The following ASIC2 variants were observed in gnomAD, a reference collection of about 807,000 sequenced individuals.
ASIC2 encodes acid sensing ion channel subunit 2.
A neutral mutation model predicts 57.3 loss-of-function variants in ASIC2; 25 were observed. The ratio of observed to expected loss-of-function variants is 0.44; its 90% CI spans 0.32 to 0.61. The LOEUF (loss-of-function observed/expected upper bound fraction) is 0.61. Among genes scored for constraint, ASIC2 ranks in the 20% least tolerant of loss-of-function variants. The pLI is 0.06. For missense variants in ASIC2, 641 were observed against 738.1 expected (o/e 0.87, Z 1.52); for synonymous variants, 319 against 307.5 (o/e 1.04, Z -0.39).
At chr17:33,452,219 C>A (rs185742262) in intron 1 of ASIC2, among the ~76,000 whole-genome samples, 33 of 152,328 alleles carry the variant, frequency 2.2e-4, no homozygotes, top group African/African-American at 7.7e-4. Flanking sequence ...AGGAAGGAAC[C>A]TAAACTTGGC....
chr17:33,799,239 T>G (rs1409266943), intron 1 of ASIC2, among the ~76,000 whole-genome samples: 1 of 151,864 alleles, frequency 6.6e-6, no homozygotes, highest in Non-Finnish European at 1.5e-5. Flanking sequence ...TTCTTCTCTT[T>G]CCTTCCTTCC....
At chr17:33,912,280 G>T (rs928768829) in intron 1 of ASIC2, among the ~76,000 whole-genome samples, 3 of 151,870 alleles carry the variant, frequency 2.0e-5, no homozygotes, top group African/African-American at 7.3e-5. Context: ...ATCACCTGAG[G>T]TCAGGAGTTC....
intron 1 of ASIC2, among the ~76,000 whole-genome samples, chr17:34,054,560 T>A (rs1011828038): frequency 1.3e-5 from 2 of 152,204 alleles, no homozygotes; most frequent in Non-Finnish European, 2.9e-5. Context: ...TCTCCCATAG[T>A]TCCAATTCAC....
At chr17:33,305,229 G>A (rs1178349838) in intron 1 of ASIC2, among the ~76,000 whole-genome samples, 2 of 152,066 alleles carry the variant, frequency 1.3e-5, no homozygotes, top group South Asian at 2.1e-4. Context: ...ATATCAAATG[G>A]TTTATTTCAG....
intron 1 of ASIC2, among the ~76,000 whole-genome samples, chr17:33,873,850 T>C (rs1048734500): frequency 3.9e-5 from 6 of 152,144 alleles, no homozygotes; most frequent in Non-Finnish European, 7.4e-5. Flanking sequence ...CCCCTCTTTG[T>C]GAGAGAATAG....
chr17:33,935,930 T>G (rs899736103), intron 1 of ASIC2: 1 of 152,154 alleles, frequency 6.6e-6, no homozygotes, highest in African/African-American at 2.4e-5. Flanking sequence ...TCTAGGGAGG[T>G]GAGACAGGGC....
At chr17:33,662,495 C>G (rs1057137681) in intron 1 of ASIC2, among the ~76,000 whole-genome samples, 1 of 147,776 alleles carries the variant, frequency 6.8e-6, no homozygotes, top group African/African-American at 2.5e-5. Flanking sequence ...GTGGGGGGGG[C>G]ACCTGTAATC....
At chr17:33,377,476 T>G (rs1909323262) in intron 1 of ASIC2, among the ~76,000 whole-genome samples, 1 of 152,262 alleles carries the variant, frequency 6.6e-6, no homozygotes, top group South Asian at 2.1e-4. Flanking sequence ...TGGCTTCTCA[T>G]TGCCAATCTT....
intron 1 of ASIC2, among the ~76,000 whole-genome samples, chr17:33,387,731 C>A (rs1436032379): frequency 1.3e-5 from 2 of 152,204 alleles, no homozygotes; most frequent in Non-Finnish European, 2.9e-5. Flanking sequence ...GAGAGAGGTA[C>A]ATACAACAAT....
At chr17:34,117,799 C>T (rs2142116300) in intron 1 of ASIC2, among the ~76,000 whole-genome samples, 1 of 152,142 alleles carries the variant, frequency 6.6e-6, no homozygotes, top group South Asian at 2.1e-4. Context: ...TTGGAAGATC[C>T]ACTAGATAAT....
chr17:33,359,446 C>A (rs1908514344), intron 1 of ASIC2, among the ~76,000 whole-genome samples: 1 of 152,086 alleles, frequency 6.6e-6, no homozygotes, highest in Admixed American at 6.5e-5. Context: ...ATGAGGCCAC[C>A]ACTACCTACT....
intron 1 of ASIC2, among the ~76,000 whole-genome samples, chr17:33,459,596 C>A (rs1912567247): frequency 6.6e-6 from 1 of 152,192 alleles, no homozygotes; most frequent in Admixed American, 6.5e-5. Flanking sequence ...ATATTGGCTC[C>A]CAGCAATATC....
chr17:33,592,724 G>T (rs1186025430), intron 1 of ASIC2, among the ~76,000 whole-genome samples: 1 of 152,200 alleles, frequency 6.6e-6, no homozygotes, highest in African/African-American at 2.4e-5. Flanking sequence ...AGAATGGAAA[G>T]AACAGAGCAG....
chr17:33,167,202 C>T (rs575797704), intron 1 of ASIC2, among the ~76,000 whole-genome samples: 1 of 152,264 alleles, frequency 6.6e-6, no homozygotes, highest in South Asian at 2.1e-4. Flanking sequence ...CCATCACCAG[C>T]CCCTGGTCCC....
chr17:33,180,298 T>G (rs1010625670), intron 1 of ASIC2, among the ~76,000 whole-genome samples: 1 of 152,212 alleles, frequency 6.6e-6, no homozygotes, highest in African/African-American at 2.4e-5. Context: ...ATGTTGTTAG[T>G]GACCAGAACT....
intron 8 of ASIC2, among the ~76,000 whole-genome samples, chr17:33,016,432 T>C (rs372581098): frequency 6.6e-6 from 1 of 152,250 alleles, no homozygotes; most frequent in African/African-American, 2.4e-5. Flanking sequence ...TTGCTAGGCC[T>C]GACACTGCAC....
intron 1 of ASIC2, among the ~76,000 whole-genome samples, chr17:33,914,159 C>T (rs956910666): frequency 4.6e-5 from 7 of 152,238 alleles, no homozygotes; most frequent in Non-Finnish European, 1.0e-4. Flanking sequence ...GTTGCTCCAT[C>T]TCACAAGATG....
At position 33,510,135 on chromosome 17, in the gene ASIC2, C is replaced by T. The variant is rs758919883; in HGVS notation, c.556-398068G>A. Among the ~76,000 whole-genome samples, 90 of 152,102 alleles carry T rather than the reference C, an allele frequency of 5.9e-4. 1 individual carries two copies. Among genetic ancestry groups the T allele is most frequent in the Admixed American group, 1.7e-3 (26 of 15,270 alleles). ...ACTGTGTGACCTGGAGTTTTCCAGC[C>T]CTGTCTCAGAACCTGAGTTCTTGTA... On this transcript the variant is annotated intron_variant, in intron 1 of 9. Transcript: ENST00000359872.
At chr17:33,803,468 CA>C (rs1232520611) in intron 1 of ASIC2, among the ~76,000 whole-genome samples, 1 of 151,952 alleles carries the variant, frequency 6.6e-6, no homozygotes, top group Non-Finnish European at 1.5e-5. Flanking sequence ...GAGTGTACCC[CA>C]GGGCATGGCA....
Sources: gnomAD v4.1 joint callset for allele counts (sites outside exome capture counted in the v4.1 genomes callset) on GRCh38, gnomAD v4.1.1 for gene constraint, MANE v1.5 for transcripts, NCBI Gene and HGNC (gene_info 2026-07-23, HGNC 2026-07-21) for gene names.